TOGARAM1: variants seen among roughly 807,000 people sequenced by gnomAD.
TOGARAM1 encodes TOG array regulator of axonemal microtubules 1.
TOGARAM1 carries 100 observed loss-of-function variants against 166.6 expected under a neutral mutation model. That is an observed-to-expected ratio of 0.60 (90% CI 0.51 to 0.71). The LOEUF (loss-of-function observed/expected upper bound fraction) is 0.71. Ranked by LOEUF, TOGARAM1 falls within the 30% of genes least tolerant of loss-of-function variation. The pLI is 0.00. For missense variants in TOGARAM1, 2,029 were observed against 2,102.7 expected (o/e 0.96, Z 0.69); for synonymous variants, 758 against 763.8 (o/e 0.99, Z 0.13).
At chr14:44,999,636 T>C in intron 3 of TOGARAM1, 139 bp downstream of exon 3, 1 of 696,854 alleles carries the variant, frequency 1.4e-6, no homozygotes, top group Non-Finnish European at 2.1e-6. Flanking sequence ...TAATAACTTT[T>C]TTCATAATTG....
At chr14:45,035,292 G>C (rs941782673) in intron 11 of TOGARAM1, among the ~76,000 whole-genome samples, 1 of 151,932 alleles carries the variant, frequency 6.6e-6, no homozygotes. Context: ...CCCGGGAGGC[G>C]GAGGTTGCAG....
intron 13 of TOGARAM1, among the ~76,000 whole-genome samples, chr14:45,045,638 CAT>C (rs375538081): frequency 0.065 from 3,435 of 52,768 alleles, 121 homozygotes; most frequent in East Asian, 0.17. Flanking sequence ...TATATATATA[CAT>C]ATATATACAT....
chr14:45,044,504 G>A lies in TOGARAM1; in HGVS notation c.3919-131G>A, dbSNP rs1413193324. ...TACAGTGAGCCGAAATCATGCTACTGCACTCCAGCCTGGTCGACAGAGCGA... is the reference window on the plus strand; with the variant it reads ...TACAGTGAGCCGAAATCATGCTACTACACTCCAGCCTGGTCGACAGAGCGA... On this transcript the variant is annotated intron_variant, in intron 12 of 19. Transcript: ENST00000361462. The A allele has an allele frequency of 4.6e-6, 3 of 648,140 alleles. No homozygotes were observed. The East Asian group carries it at 8.3e-5, about 18-fold the overall frequency. 40.1% of individuals were successfully genotyped at this position (648,140 alleles called of 1,614,324 possible). A position where few individuals can be genotyped will look rare whatever the true frequency, so the allele number is the denominator to read the frequency against.
chr14:45,015,003 A>G (rs954118016), intron 7 of TOGARAM1, among the ~76,000 whole-genome samples: 5 of 151,966 alleles, frequency 3.3e-5, no homozygotes, highest in Admixed American at 6.6e-5. Flanking sequence ...ATACAACATT[A>G]TTTTTTAAAA....
intron 16 of TOGARAM1, among the ~76,000 whole-genome samples, chr14:45,055,386 A>C (rs1236233718): frequency 6.6e-6 from 1 of 152,120 alleles, no homozygotes; most frequent in East Asian, 1.9e-4. Flanking sequence ...TGGGTTCTCT[A>C]TTCTGTTCCA....
In TOGARAM1 at chr14:45,029,682, G is replaced by C. The variant is rs182530997; in HGVS notation, c.3658+1353G>C. ...GTGTGTTTCATAGACTGTGTGAACT[G>C]TTTATTACTCATCTATGATAACATA... On this transcript the variant is annotated intron_variant, in intron 10 of 19. Transcript: ENST00000361462. Among the ~76,000 whole-genome samples, 5 of 152,250 alleles carry C rather than the reference G, an allele frequency of 3.3e-5. 1 individual carries two copies. The highest frequency in any genetic ancestry group is 1.2e-4 in the African/African-American group (5 of 41,554).
intron 16 of TOGARAM1, among the ~76,000 whole-genome samples, chr14:45,059,197 C>T (rs1276636255): frequency 1.3e-5 from 2 of 152,106 alleles, no homozygotes; most frequent in Admixed American, 6.6e-5. Flanking sequence ...GTTTTAGCCA[C>T]TGGAGTACCT....
intron 1 of TOGARAM1, among the ~76,000 whole-genome samples, chr14:44,977,426 C>T (rs575961591): frequency 2.0e-5 from 3 of 150,336 alleles, no homozygotes; most frequent in Non-Finnish European, 3.0e-5. Flanking sequence ...TTAGTAAAGA[C>T]GGGGTTTCAC....
At chr14:45,065,079 C>T (rs1243574976) in intron 16 of TOGARAM1, among the ~76,000 whole-genome samples, 2 of 152,000 alleles carry the variant, frequency 1.3e-5, no homozygotes, top group African/African-American at 4.8e-5. Context: ...AATATACTTA[C>T]ATTGAGCTTA....
chr14:45,046,231 C>G (rs750313711), intron 13 of TOGARAM1, among the ~76,000 whole-genome samples: 1 of 152,016 alleles, frequency 6.6e-6, no homozygotes, highest in Admixed American at 6.6e-5. Context: ...TCCAGGAGTT[C>G]GAGACCAGCC....
intron 3 of TOGARAM1, among the ~76,000 whole-genome samples, chr14:45,000,318 G>A (rs984809864): frequency 1.3e-5 from 2 of 151,950 alleles, no homozygotes; most frequent in African/African-American, 4.8e-5. Flanking sequence ...ATTTTTGTAC[G>A]CATTAACTAC....
At chr14:44,967,196 T>G (rs969581584) in intron 1 of TOGARAM1, among the ~76,000 whole-genome samples, 1 of 152,170 alleles carries the variant, frequency 6.6e-6, no homozygotes, top group Non-Finnish European at 1.5e-5. Flanking sequence ...TGTTTGTTTG[T>G]TTTTTAATGC....
intron 1 of TOGARAM1, among the ~76,000 whole-genome samples, chr14:44,980,206 C>T (rs1886454132): frequency 6.6e-6 from 1 of 152,172 alleles, no homozygotes; most frequent in Non-Finnish European, 1.5e-5. Context: ...TTAACATTTA[C>T]AGTCCACTGT....
Position 45,060,079 on chromosome 14 carries a change from AT to A in TOGARAM1, c.4559+5542del, listed in dbSNP as rs560953508. ...AGGCACCCGCCACCACAACCAGCTA[AT>A]TTTTTTTTTTTGTATTTTTAGTAGA... On this transcript the variant is annotated intron_variant, in intron 16 of 19. Coordinates refer to ENST00000361462, the MANE Select transcript of TOGARAM1 (RefSeq NM_001308120.2). 8.8e-4 allele frequency among the ~76,000 whole-genome samples: 126 copies of A among 143,378 alleles called. 3 individuals carry two copies. The highest frequency in any genetic ancestry group is 3.6e-3 in the Middle Eastern group (1 of 278). 94.1% of individuals were successfully genotyped at this position (143,378 alleles called of 152,430 possible).
intron 7 of TOGARAM1, among the ~76,000 whole-genome samples, chr14:45,023,294 G>A (rs1880632631): frequency 6.6e-6 from 1 of 152,208 alleles, no homozygotes; most frequent in Non-Finnish European, 1.5e-5. Context: ...TGGAAGAAAT[G>A]TGGCTGGGTT....
intron 1 of TOGARAM1, among the ~76,000 whole-genome samples, chr14:44,974,959 G>T (rs886376962): frequency 1.3e-5 from 2 of 151,182 alleles, no homozygotes; most frequent in African/African-American, 2.4e-5. Flanking sequence ...GGTGAGGGAG[G>T]GGGGAAGTGT....
At position 44,975,775 on chromosome 14, in the gene TOGARAM1, C is replaced by CT. The variant is rs34089963; in HGVS notation, c.2046+11323dup. On this transcript the variant is annotated intron_variant, in intron 1 of 19. Transcript: ENST00000361462. ...AGCCATCATGCCCGGCTTCCCCTGC[C>CT]TTTTTTTTTTTTTTTAATGAAGTGG... 1.6e-3 allele frequency among the ~76,000 whole-genome samples: 206 copies of CT among 128,050 alleles called. 1 individual carries two copies. The highest frequency in any genetic ancestry group is 8.8e-3 in the Middle Eastern group (2 of 226). 84.0% of individuals were successfully genotyped at this position (128,050 alleles called of 152,430 possible). A position where few individuals can be genotyped will look rare whatever the true frequency, so the allele number is the denominator to read the frequency against.
At chr14:45,037,083 T>G (rs1237437815) in intron 11 of TOGARAM1, among the ~76,000 whole-genome samples, 2 of 152,188 alleles carry the variant, frequency 1.3e-5, no homozygotes, top group Non-Finnish European at 2.9e-5. Flanking sequence ...TGTGGTTCCC[T>G]CCTGAATCCT....
chr14:44,995,697 C>A (rs1473931473), intron 1 of TOGARAM1, 49 bp from the exon 2 acceptor site: 4 of 1,306,154 alleles, frequency 3.1e-6, no homozygotes, highest in Non-Finnish European at 4.2e-6. Flanking sequence ...ATATTTATTA[C>A]CAGGAAGAAT....
Sources: gnomAD v4.1 joint callset for allele counts (sites outside exome capture counted in the v4.1 genomes callset) on GRCh38, gnomAD v4.1.1 for gene constraint, MANE v1.5 for transcripts, NCBI Gene and HGNC (gene_info 2026-07-23, HGNC 2026-07-21) for gene names.